SPOCK1: variants seen among roughly 807,000 people sequenced by gnomAD.
SPOCK1 encodes testican-1.
In SPOCK1, 23 loss-of-function variants were observed where a neutral mutation model predicts 55.3. The observed-to-expected ratio is 0.42, with a 90% confidence interval of 0.30 to 0.59. The LOEUF (loss-of-function observed/expected upper bound fraction) is 0.59. SPOCK1 is among the 20% of genes least tolerant of loss of function. SPOCK1 has a pLI of 0.22. For missense variants in SPOCK1, 499 were observed against 552.5 expected, an observed-to-expected ratio of 0.90 and a Z score of 0.97; for synonymous variants, 226 against 221.0, an observed-to-expected ratio of 1.02 and a Z score of -0.20.
chr5:137,235,609 T>C (rs1756165322), intron 3 of SPOCK1, among the ~76,000 whole-genome samples: 1 of 152,260 alleles, frequency 6.6e-6, no homozygotes, highest in Non-Finnish European at 1.5e-5. Context: ...TACACACATG[T>C]GTGAGCAGGT....
chr5:137,357,630 A>G (rs1750846618), intron 2 of SPOCK1, among the ~76,000 whole-genome samples: 2 of 152,174 alleles, frequency 1.3e-5, no homozygotes, highest in Admixed American at 1.3e-4. Flanking sequence ...GGGAACGGCA[A>G]GCAGGTGAGT....
At chr5:137,263,578 C>G (rs1272424334) in intron 3 of SPOCK1, among the ~76,000 whole-genome samples, 4 of 152,188 alleles carry the variant, frequency 2.6e-5, no homozygotes, top group African/African-American at 9.7e-5. Context: ...GCCCATGGCT[C>G]TCTCAAACTG....
chr5:136,993,429 T>A (rs959451260), intron 6 of SPOCK1, among the ~76,000 whole-genome samples: 8 of 152,136 alleles, frequency 5.3e-5, no homozygotes, highest in Admixed American at 4.6e-4. Flanking sequence ...CCTCAGGGCA[T>A]ACGCTAATTC....
chr5:136,984,307 T>C (rs1316647579), intron 9 of SPOCK1, among the ~76,000 whole-genome samples: 1 of 151,412 alleles, frequency 6.6e-6, no homozygotes, highest in Non-Finnish European at 1.5e-5. Flanking sequence ...TCTCTATTCA[T>C]TTCCTTCAAA....
intron 5 of SPOCK1, among the ~76,000 whole-genome samples, chr5:137,093,668 G>A (rs927530127): frequency 3.3e-5 from 5 of 152,338 alleles, no homozygotes; most frequent in South Asian, 4.1e-4. Flanking sequence ...TTCCAGCTAA[G>A]ATGGGGATGC....
chr5:137,464,416 C>T (rs1047109793), intron 2 of SPOCK1, among the ~76,000 whole-genome samples: 25 of 152,032 alleles, frequency 1.6e-4, no homozygotes, highest in Non-Finnish European at 4.4e-5. Flanking sequence ...ACCCCACAAA[C>T]ATATACACCT....
chr5:136,979,755 T>C (rs1750692365), intron 9 of SPOCK1, among the ~76,000 whole-genome samples: 1 of 152,208 alleles, frequency 6.6e-6, no homozygotes, highest in African/African-American at 2.4e-5. Flanking sequence ...CTTACATATG[T>C]ATGTGTATAT....
chr5:137,316,534 C>T (rs935075474), intron 2 of SPOCK1, among the ~76,000 whole-genome samples: 6 of 152,156 alleles, frequency 3.9e-5, no homozygotes, highest in Non-Finnish European at 8.8e-5. Context: ...CAGTTGAATC[C>T]CCTCTCTGCT....
intron 2 of SPOCK1, among the ~76,000 whole-genome samples, chr5:137,338,033 A>G (rs540028935): frequency 7.2e-5 from 11 of 152,104 alleles, no homozygotes; most frequent in African/African-American, 2.4e-4. Flanking sequence ...TTTTATTATT[A>G]TTATTATACT....
chr5:137,366,298 C>T (rs946408919), intron 2 of SPOCK1, among the ~76,000 whole-genome samples: 22 of 152,020 alleles, frequency 1.4e-4, no homozygotes, highest in Non-Finnish European at 2.9e-5. Context: ...GCTGTCTTAT[C>T]AAAATCTATA....
In SPOCK1 at chr5:136,988,607, G is replaced by A. The variant is rs149415518; in HGVS notation, c.743C>T (p.Ser248Phe). ...CAACTTGTTGAACATCCAGCCCAGG[G>A]AGTCCTTGCAGATGGGCAGGATGCT... ...DTSILPICKD[S>F]LGWMFNKLDM... is the part of the protein sequence containing the mutation. The change falls in exon 8 of 11, where the codon TCC becomes TTC. Residue 248 changes from serine (S) to phenylalanine (F), a missense_variant. Around this residue, in one of 3 missense-constraint regions of SPOCK1, gnomAD observed 386 missense variants for 400.6 expected, o/e 0.96. Coordinates refer to ENST00000394945, the MANE Select transcript of SPOCK1 (RefSeq NM_004598.4). 1.7e-5 allele frequency: 28 copies of A among 1,613,668 alleles called. No homozygotes were observed. In the African/African-American group the frequency reaches 3.3e-4, roughly 19 times the overall value.
At chr5:137,476,277 A>T (rs1035733199) in intron 2 of SPOCK1, among the ~76,000 whole-genome samples, 1 of 152,192 alleles carries the variant, frequency 6.6e-6, no homozygotes, top group Non-Finnish European at 1.5e-5. Flanking sequence ...GAAATTAAAA[A>T]AGATGGTGAC....
intron 6 of SPOCK1, among the ~76,000 whole-genome samples, chr5:137,055,158 G>T (rs1056845967): frequency 6.6e-6 from 1 of 152,200 alleles, no homozygotes; most frequent in Non-Finnish European, 1.5e-5. Flanking sequence ...TGAGACATAA[G>T]TGAGCTCCAT....
intron 5 of SPOCK1, among the ~76,000 whole-genome samples, chr5:137,075,386 G>A (rs547237938): frequency 3.3e-5 from 5 of 152,258 alleles, no homozygotes; most frequent in African/African-American, 7.2e-5. Context: ...GGCGGCTCTC[G>A]GGGCAGGGAC....
intron 3 of SPOCK1, among the ~76,000 whole-genome samples, chr5:137,214,262 T>C (rs1046934638): frequency 9.2e-5 from 14 of 152,126 alleles, no homozygotes; most frequent in Non-Finnish European, 1.8e-4. Context: ...GGAGGGGAGA[T>C]ATATGTTGGC....
chr5:137,378,141 T>C (rs1446646104), intron 2 of SPOCK1, among the ~76,000 whole-genome samples: 1 of 151,992 alleles, frequency 6.6e-6, no homozygotes, highest in Non-Finnish European at 1.5e-5. Context: ...ATGGGGTTTC[T>C]CCATGTTGGT....
At chr5:137,059,402 T>C (rs1335175338) in intron 6 of SPOCK1, among the ~76,000 whole-genome samples, 8 of 152,194 alleles carry the variant, frequency 5.3e-5, no homozygotes, top group Non-Finnish European at 1.0e-4. Context: ...TATATGCATA[T>C]AGAAATAATT....
chr5:137,390,734 C>T (rs1381901001), intron 2 of SPOCK1, among the ~76,000 whole-genome samples: 2 of 152,230 alleles, frequency 1.3e-5, no homozygotes, highest in African/African-American at 4.8e-5. Context: ...TGAGCCCCTA[C>T]TGCCAGCAAG....
chr5:137,140,747 A>ATTTTTT (rs11309240), intron 3 of SPOCK1, 53 bp from the exon 4 acceptor site: 98 of 352,262 alleles, frequency 2.8e-4, no homozygotes, highest in South Asian at 8.6e-4. Context: ...GGGAAATTTA[A>ATTTTTT]TTTTTTTTTT....
Sources: gnomAD v4.1 joint callset for allele counts (sites outside exome capture counted in the v4.1 genomes callset) on GRCh38, gnomAD v4.1.1 for gene constraint, gnomAD v4.1.1 regional missense constraint, MANE v1.5 for transcripts, NCBI Gene and HGNC (gene_info 2026-07-23, HGNC 2026-07-21) for gene names.